The following AFF2 variants were observed in gnomAD, a reference collection of about 807,000 sequenced individuals.
AFF2 encodes the protein ALF transcription elongation factor 2.
AFF2 carries 14 observed loss-of-function variants against 76.9 expected under a neutral mutation model. The ratio of observed to expected loss-of-function variants is 0.18; its 90% CI spans 0.12 to 0.28. The LOEUF (loss-of-function observed/expected upper bound fraction) is 0.28, where lower values mean the gene tolerates loss of function less well. Among genes scored for constraint, AFF2 ranks in the 10% least tolerant of loss-of-function variants. The probability of loss-of-function intolerance (pLI) is 1.00; values close to 1 mark genes in which losing one functional copy is unlikely to be tolerated. For missense variants in AFF2, 868 were observed against 1,001.1 expected (o/e 0.87, Z 1.79); for synonymous variants, 398 against 366.7 (o/e 1.09, Z -0.98).
intron 8 of AFF2, among the ~76,000 whole-genome samples, chrX:148,897,476 C>T (rs2071307979): frequency 9.6e-6 from 1 of 103,960 alleles, no homozygotes; most frequent in Admixed American, 1.1e-4. Context: ...ACAAAGCAGT[C>T]AGTTAGTATT....
At chrX:148,575,414 G>A (rs950493072) in intron 1 of AFF2, among the ~76,000 whole-genome samples, 1 of 111,723 alleles carries the variant, frequency 9.0e-6, no homozygotes, top group African/African-American at 3.3e-5. Flanking sequence ...TGTTCATTAT[G>A]TTTTAGATAA....
chrX:148,752,561 T>C (rs1480964018), intron 3 of AFF2, among the ~76,000 whole-genome samples: 1 of 111,953 alleles, frequency 8.9e-6, no homozygotes, highest in Non-Finnish European at 1.9e-5. Context: ...ATGTTCACAT[T>C]AGTATTGAAT....
chrX:148,859,268 G>A (rs1343195411), intron 7 of AFF2, among the ~76,000 whole-genome samples: 2 of 108,285 alleles, frequency 1.8e-5, no homozygotes. Flanking sequence ...ATGGTTACTG[G>A]GCTTAATATC....
At chrX:148,925,032 T>C (rs2071635458) in intron 9 of AFF2, among the ~76,000 whole-genome samples, 1 of 112,666 alleles carries the variant, frequency 8.9e-6, no homozygotes, top group Non-Finnish European at 1.9e-5. Flanking sequence ...CAGATTATTT[T>C]AATGATTTCC....
At chrX:148,895,843 C>G (rs2071278562) in intron 8 of AFF2, among the ~76,000 whole-genome samples, 1 of 110,956 alleles carries the variant, frequency 9.0e-6, no homozygotes, top group African/African-American at 3.3e-5. Context: ...CCCTCTGTAT[C>G]TTCTCACCTC....
intron 8 of AFF2, among the ~76,000 whole-genome samples, chrX:148,900,609 A>G (rs781809098): frequency 4.9e-4 from 55 of 111,396 alleles, no homozygotes; most frequent in Admixed American, 1.6e-3. Flanking sequence ...TCAGGGTCCA[A>G]TGTTAATAAA....
chrX:148,706,331 T>A (rs1240465967), intron 3 of AFF2, among the ~76,000 whole-genome samples: 4 of 112,281 alleles, frequency 3.6e-5, no homozygotes, highest in Non-Finnish European at 7.5e-5. Context: ...CCTTTGCATA[T>A]GGAGCAATAG....
At chrX:148,922,684 G>A (rs2071609007) in intron 9 of AFF2, among the ~76,000 whole-genome samples, 1 of 111,899 alleles carries the variant, frequency 8.9e-6, no homozygotes, top group Non-Finnish European at 1.9e-5. Flanking sequence ...ACTTTGCCAA[G>A]GGGATTTAGA....
At chrX:148,639,822 C>T (rs984979298) in intron 1 of AFF2, among the ~76,000 whole-genome samples, 2 of 111,487 alleles carry the variant, frequency 1.8e-5, no homozygotes, top group Non-Finnish European at 3.8e-5. Flanking sequence ...GCTGTAAAAT[C>T]CTCTGTGGCA....
chrX:148,625,405 G>A (rs894350818), intron 1 of AFF2, among the ~76,000 whole-genome samples: 4 of 110,863 alleles, frequency 3.6e-5, no homozygotes, highest in South Asian at 3.8e-4. Context: ...TACTCCTCCC[G>A]CCAAAGCAAA....
At chrX:148,843,795 A>C (rs1557274503) in intron 7 of AFF2, among the ~76,000 whole-genome samples, 1 of 110,907 alleles carries the variant, frequency 9.0e-6, no homozygotes, top group Non-Finnish European at 1.9e-5. Context: ...AGAAGGGGTG[A>C]GGGGTCTCTC....
chrX:148,632,386 G>A (rs1286002405), intron 1 of AFF2, among the ~76,000 whole-genome samples: 1 of 111,385 alleles, frequency 9.0e-6, no homozygotes, highest in African/African-American at 3.3e-5. Flanking sequence ...ATTCAAAATA[G>A]GATACACTTT....
At chrX:148,965,120 A>G (rs1439372377) in intron 13 of AFF2, among the ~76,000 whole-genome samples, 1 of 111,995 alleles carries the variant, frequency 8.9e-6, no homozygotes, top group Admixed American at 9.4e-5. Flanking sequence ...AGGAAGCTCA[A>G]GCTAGCAGAC....
intron 1 of AFF2, among the ~76,000 whole-genome samples, chrX:148,609,812 C>T (rs2053708947): frequency 9.0e-6 from 1 of 111,397 alleles, no homozygotes; most frequent in Admixed American, 9.6e-5. Context: ...GCCAACCTGC[C>T]CAGGGAACTA....
chrX:148,813,280 C>G (rs1376627685), intron 4 of AFF2, among the ~76,000 whole-genome samples: 1 of 111,805 alleles, frequency 8.9e-6, no homozygotes, highest in Non-Finnish European at 1.9e-5. Flanking sequence ...CAATCACCCT[C>G]TCACAAATCT....
intron 12 of AFF2, among the ~76,000 whole-genome samples, chrX:148,960,391 T>C (rs1557287875): frequency 8.9e-6 from 1 of 112,641 alleles, no homozygotes; most frequent in African/African-American, 3.2e-5. Context: ...GCCATGTTCC[T>C]TACACCAAAT....
intron 1 of AFF2, among the ~76,000 whole-genome samples, chrX:148,625,605 C>T (rs2053917911): frequency 1.8e-5 from 2 of 111,146 alleles, no homozygotes; most frequent in Admixed American, 1.9e-4. Context: ...TCAGAAACTT[C>T]AGATGCCAGT....
chrX:148,769,300 G>A (rs868922834), intron 3 of AFF2, among the ~76,000 whole-genome samples: 3 of 111,845 alleles, frequency 2.7e-5, no homozygotes, highest in Middle Eastern at 4.2e-3. Flanking sequence ...AATACATTGG[G>A]TAAAAGGCAG....
rs1235972124 is a variant in AFF2 at position 148,626,762 on chromosome X, G to A, written c.48-25237G>A. On this transcript the variant is annotated intron_variant, in intron 1 of 20. Coordinates refer to ENST00000370460, the MANE Select transcript of AFF2 (RefSeq NM_002025.4). ...CTCCAATCTCCCTCTCCTTTCTCTC[G>A]TAAGGGCACAAGTCAATGGATTTAG... is the stretch of plus-strand genomic sequence containing the variant. Among the ~76,000 whole-genome samples, 13 of 110,852 alleles carry A rather than the reference G, an allele frequency of 1.2e-4. No individual in the cohort carries two copies. The East Asian group carries it at 2.6e-3, about 22-fold the overall frequency.
Sources: allele counts gnomAD v4.1 joint callset (sites outside exome capture counted in the v4.1 genomes callset), GRCh38; gene constraint gnomAD v4.1.1; transcripts MANE v1.5; gene names NCBI Gene and HGNC (gene_info 2026-07-23, HGNC 2026-07-21).